Variants in GPHN observed in about 807,000 individuals in gnomAD.
GPHN encodes gephyrin.
Under a neutral mutation model 95.5 loss-of-function variants are expected in GPHN, and 17 were observed. The observed-to-expected ratio is 0.18, with a 90% CI of 0.12 to 0.27. The LOEUF is 0.27. Among genes scored for constraint, GPHN ranks in the 10% least tolerant of loss-of-function variants. The pLI, the probability that GPHN is intolerant of heterozygous loss-of-function variation, is 1.00. For synonymous variants in GPHN, 320 were observed against 322.5 expected (o/e 0.99, Z 0.08); for missense variants, 660 against 978.1 (o/e 0.67, Z 4.34).
At chr14:67,307,239 G>A in the GPHN span, among the ~76,000 whole-genome samples, 3 of 151,622 alleles carry the variant, frequency 2.0e-5, no homozygotes, top group East Asian at 1.9e-4. Flanking sequence ...TCCTTCTCTC[G>A]GCCTTTTTAA....
At chr14:66,754,769 G>A (rs907803365) in intron 2 of GPHN, among the ~76,000 whole-genome samples, 2 of 151,842 alleles carry the variant, frequency 1.3e-5, no homozygotes, top group African/African-American at 4.8e-5. Flanking sequence ...GACTTTTATA[G>A]ACTTCAGAGA....
intron 6 of GPHN, among the ~76,000 whole-genome samples, chr14:66,922,210 TG>T (rs2066255851): frequency 1.3e-5 from 2 of 150,714 alleles, no homozygotes; most frequent in African/African-American, 4.9e-5. Context: ...GATAAATAGC[TG>T]GGACCTAATT....
chr14:66,657,071 G>T (rs1283160765), intron 1 of GPHN, among the ~76,000 whole-genome samples: 4 of 152,090 alleles, frequency 2.6e-5, no homozygotes, highest in African/African-American at 9.7e-5. Context: ...TTTGAAAAAA[G>T]GTAAAAGTGC....
the GPHN span, chr14:67,691,181 G>A: frequency 1.5e-5 from 25 of 1,613,938 alleles, no homozygotes; most frequent in Non-Finnish European, 2.0e-5. Context: ...GCCATCTGCT[G>A]TCTTCGAGTA....
the GPHN span, chr14:67,352,733 C>A: frequency 6.0e-6 from 3 of 500,474 alleles, no homozygotes; most frequent in South Asian, 8.6e-5. Flanking sequence ...TGGAGCTTTG[C>A]AGGCAAGATT....
the GPHN span, among the ~76,000 whole-genome samples, chr14:67,327,279 G>C: frequency 2.0e-5 from 3 of 152,062 alleles, no homozygotes; most frequent in Non-Finnish European, 4.4e-5. Flanking sequence ...TAAACACCTA[G>C]GAGTAGAATT....
rs929591652 is a variant in GPHN at position 66,601,049 on chromosome 14, G to T, written c.65-80058G>T. On this transcript the variant is annotated intron_variant, in intron 1 of 22. Coordinates refer to ENST00000478722, the MANE Select transcript of GPHN (RefSeq NM_020806.5). ...TTATTGGTCATAGCAATCCTATGAG[G>T]TAGGTATTATAACACATACTATACA... 3.9e-5 allele frequency among the ~76,000 whole-genome samples: 6 copies of T among 151,948 alleles called. No homozygotes were observed. The East Asian group carries it at 7.7e-4, about 20-fold the overall frequency.
chr14:67,144,265 A>ACG (rs1271157382), intron 18 of GPHN, among the ~76,000 whole-genome samples: 1 of 96,308 alleles, frequency 1.0e-5, no homozygotes. Flanking sequence ...ATATATATAT[A>ACG]TATATATATA....
At chr14:67,511,468 C>A in the GPHN span, among the ~76,000 whole-genome samples, 1 of 152,244 alleles carries the variant, frequency 6.6e-6, no homozygotes, top group African/African-American at 2.4e-5. Flanking sequence ...AAGATGCTGT[C>A]TCTTCTATAA....
At chr14:66,969,670 A>T (rs2069609826) in intron 9 of GPHN, 1 of 152,044 alleles carries the variant, frequency 6.6e-6, no homozygotes, top group Admixed American at 6.6e-5. Flanking sequence ...GTGTGGTGGC[A>T]CATGCCTGTA....
At chr14:67,685,184 A>C in the GPHN span, 1 of 1,613,118 alleles carries the variant, frequency 6.2e-7, no homozygotes. Flanking sequence ...GGGTGTACAG[A>C]ATACGTCGTA....
chr14:67,196,415 C>T, the GPHN span, among the ~76,000 whole-genome samples: 38 of 151,906 alleles, frequency 2.5e-4, no homozygotes, highest in African/African-American at 9.2e-4. Context: ...CAGGATTTCA[C>T]GACGTTGGCC....
the GPHN span, chr14:67,649,615 A>G: frequency 6.6e-6 from 1 of 152,218 alleles, no homozygotes; most frequent in East Asian, 1.9e-4. Context: ...ACACAGGTCC[A>G]TGTGCAGGAA....
chr14:67,426,763 C>T, the GPHN span, among the ~76,000 whole-genome samples: 2,324 of 152,196 alleles, frequency 0.015, 18 homozygotes, highest in Middle Eastern at 0.02. Flanking sequence ...TCAGTGCAGA[C>T]GGGGTTTCTC....
chr14:66,906,934 G>C (rs1004127995), intron 5 of GPHN, among the ~76,000 whole-genome samples: 48 of 152,130 alleles, frequency 3.2e-4, no homozygotes, highest in Admixed American at 9.8e-4. Context: ...TATTCTGTCA[G>C]CTGGAGTGTT....
intron 2 of GPHN, among the ~76,000 whole-genome samples, chr14:66,762,287 A>C (rs1393340040): frequency 6.6e-6 from 1 of 152,192 alleles, no homozygotes; most frequent in Non-Finnish European, 1.5e-5. Context: ...CAGAATGTTA[A>C]AGCTCTTGAA....
intron 1 of GPHN, chr14:66,508,974 G>T (rs1014772404): frequency 6.4e-6 from 2 of 314,600 alleles, no homozygotes; most frequent in Non-Finnish European, 1.2e-5. Flanking sequence ...CGCATCCTCC[G>T]CTAGTGCTCT....
At chr14:66,951,854 T>C (rs1299159257) in intron 8 of GPHN, among the ~76,000 whole-genome samples, 1 of 152,164 alleles carries the variant, frequency 6.6e-6, no homozygotes. Flanking sequence ...ACAGGCTATT[T>C]ATATGAAAAT....
chr14:66,967,517 G>C (rs1419993328), intron 9 of GPHN, among the ~76,000 whole-genome samples: 1 of 151,864 alleles, frequency 6.6e-6, no homozygotes, highest in Non-Finnish European at 1.5e-5. Flanking sequence ...CTTGGGACCA[G>C]AAGTGTTTCA....
Sources: allele counts gnomAD v4.1 joint callset (sites outside exome capture counted in the v4.1 genomes callset), GRCh38; gene constraint gnomAD v4.1.1; transcripts MANE v1.5; gene names NCBI Gene and HGNC (gene_info 2026-07-23, HGNC 2026-07-21).